PCCA: variants seen among roughly 807,000 people sequenced by gnomAD.
PCCA encodes the protein propionyl-CoA carboxylase alpha chain, mitochondrial.
In PCCA, 74 loss-of-function variants were observed where a neutral mutation model predicts 101.3. The observed-to-expected ratio is 0.73, with a 90% CI of 0.61 to 0.89. The LOEUF (loss-of-function observed/expected upper bound fraction) is 0.89, where lower values mean the gene tolerates loss of function less well. Among genes scored for constraint, PCCA ranks in the 40% least tolerant of loss-of-function variants. The pLI is 0.00. For missense variants in PCCA, 891 were observed against 907.0 expected (o/e 0.98, Z 0.23); for synonymous variants, 294 against 313.6 (o/e 0.94, Z 0.66).
chr13:100,350,914 A>T (rs982485999), intron 18 of PCCA, among the ~76,000 whole-genome samples: 1 of 152,196 alleles, frequency 6.6e-6, no homozygotes, highest in Admixed American at 6.5e-5. Context: ...GGATTGTTCA[A>T]TGTGAAACAT....
chr13:100,419,488 AAAG>A (rs1026374627), intron 19 of PCCA, among the ~76,000 whole-genome samples: 7 of 152,170 alleles, frequency 4.6e-5, no homozygotes, highest in Admixed American at 4.6e-4. Context: ...AAAAAAAAGA[AAAG>A]AAAAGAAATT....
intron 21 of PCCA, among the ~76,000 whole-genome samples, chr13:100,450,942 T>C (rs2081177982): frequency 6.6e-6 from 1 of 152,156 alleles, no homozygotes; most frequent in Non-Finnish European, 1.5e-5. Flanking sequence ...ACAAGATGTG[T>C]GCGTATGTGT....
chr13:100,360,843 T>C (rs1023554925), intron 18 of PCCA, among the ~76,000 whole-genome samples: 1 of 152,182 alleles, frequency 6.6e-6, no homozygotes, highest in Admixed American at 6.5e-5. Context: ...AGGCACACAC[T>C]AAAACCTGCA....
chr13:100,375,004 A>G (rs1485277146), intron 19 of PCCA, among the ~76,000 whole-genome samples: 3 of 152,160 alleles, frequency 2.0e-5, no homozygotes, highest in African/African-American at 7.2e-5. Context: ...GTGGGCATTT[A>G]GTGCTATAAA....
intron 22 of PCCA, 112 bp downstream of exon 22, chr13:100,515,679 A>T: frequency 7.5e-7 from 1 of 1,327,798 alleles, no homozygotes. Flanking sequence ...TACTTAACCG[A>T]CGCCCCCTAA....
intron 6 of PCCA, among the ~76,000 whole-genome samples, chr13:100,198,688 G>A (rs576942564): frequency 1.3e-5 from 2 of 151,880 alleles, no homozygotes; most frequent in African/African-American, 4.8e-5. Flanking sequence ...TAGTAGAGAC[G>A]GGGTTTCACC....
chr13:100,349,734 G>A (rs1266277235), intron 18 of PCCA, among the ~76,000 whole-genome samples: 2 of 151,838 alleles, frequency 1.3e-5, no homozygotes. Context: ...TTGGCTGCAT[G>A]GAATCAGTGT....
At chr13:100,159,204 C>T (rs1377167945) in intron 6 of PCCA, among the ~76,000 whole-genome samples, 1 of 149,572 alleles carries the variant, frequency 6.7e-6, no homozygotes, top group African/African-American at 2.5e-5. Flanking sequence ...AGCTATTCTG[C>T]CTCAGCCTCC....
chr13:100,328,720 G>A (rs1361577204), intron 16 of PCCA, among the ~76,000 whole-genome samples: 1 of 103,566 alleles, frequency 9.7e-6, no homozygotes, highest in African/African-American at 3.7e-5. Flanking sequence ...TTGAGATGTT[G>A]TCTAGCTCCG....
intron 19 of PCCA, among the ~76,000 whole-genome samples, chr13:100,379,089 T>C (rs1457354303): frequency 6.6e-6 from 1 of 152,200 alleles, no homozygotes; most frequent in Admixed American, 6.5e-5. Context: ...GGGAAGACTT[T>C]TTCCTGAAGA....
chr13:100,098,466 G>C (rs779284080), intron 1 of PCCA, among the ~76,000 whole-genome samples: 2 of 152,184 alleles, frequency 1.3e-5, no homozygotes, highest in Non-Finnish European at 2.9e-5. Context: ...GAGGTGCTGG[G>C]ACTGGCCTTT....
intron 19 of PCCA, among the ~76,000 whole-genome samples, chr13:100,369,292 C>T (rs563026993): frequency 1.2e-4 from 19 of 152,196 alleles, no homozygotes; most frequent in South Asian, 4.1e-4. Context: ...TCTCTTCTTA[C>T]GGCTAAATTG....
intron 12 of PCCA, among the ~76,000 whole-genome samples, chr13:100,284,231 T>C (rs904089167): frequency 6.6e-6 from 1 of 152,240 alleles, no homozygotes; most frequent in African/African-American, 2.4e-5. Flanking sequence ...CATGCCTTTC[T>C]TGTTGTGCCT....
chr13:100,383,403 G>C (rs1283325207), intron 19 of PCCA, among the ~76,000 whole-genome samples: 1 of 151,994 alleles, frequency 6.6e-6, no homozygotes, highest in Non-Finnish European at 1.5e-5. Context: ...AAGGCGGGAG[G>C]ATCACTTGAG....
chr13:100,224,018 G>C (rs929049848), intron 7 of PCCA, among the ~76,000 whole-genome samples: 1 of 152,244 alleles, frequency 6.6e-6, no homozygotes, highest in Non-Finnish European at 1.5e-5. Flanking sequence ...GCTGCAGGTG[G>C]AGCTGCCTGC....
intron 7 of PCCA, among the ~76,000 whole-genome samples, chr13:100,214,941 T>G (rs568138711): frequency 6.6e-6 from 1 of 152,338 alleles, no homozygotes; most frequent in South Asian, 2.1e-4. Flanking sequence ...CTTTAATAAC[T>G]TTTGAATGAC....
At chr13:100,277,959 G>T (rs1372020558) in intron 12 of PCCA, among the ~76,000 whole-genome samples, 1 of 152,146 alleles carries the variant, frequency 6.6e-6, no homozygotes, top group Non-Finnish European at 1.5e-5. Flanking sequence ...GATCTATCTA[G>T]ATGCATTTTG....
Position 100,301,465 on chromosome 13 carries a change from G to C in PCCA, c.1071G>C (p.Glu357Asp). 6.2e-7 allele frequency: 1 copy of C among 1,614,052 alleles called. No individual in the cohort carries two copies. The highest frequency in any genetic ancestry group is 8.5e-7 in the Non-Finnish European group (1 of 1,179,938). ...FLEMNTRLQV[E>D]HPVTECITGL... is the part of the protein sequence containing the mutation. Reference sequence around the variant, plus strand: ...GGCAGACCTTGGCCTTGCAGGTTGAGCATCCTGTCACAGAATGCATTACTG... The same window carrying C: ...GGCAGACCTTGGCCTTGCAGGTTGACCATCCTGTCACAGAATGCATTACTG... The change falls in exon 13 of 24, where the codon GAG becomes GAC. Residue 357 changes from glutamate (E) to aspartate (D), a missense_variant. Transcript: ENST00000376285.
At chr13:100,415,717 T>C (rs1351359287) in intron 19 of PCCA, among the ~76,000 whole-genome samples, 1 of 152,230 alleles carries the variant, frequency 6.6e-6, no homozygotes, top group Non-Finnish European at 1.5e-5. Context: ...GGAATTTGTG[T>C]ATGACAAAAA....
Sources: allele counts gnomAD v4.1 joint callset (sites outside exome capture counted in the v4.1 genomes callset), GRCh38; gene constraint gnomAD v4.1.1; transcripts MANE v1.5; gene names NCBI Gene and HGNC (gene_info 2026-07-23, HGNC 2026-07-21).